Variants in CROCC observed in about 807,000 individuals in gnomAD.
CROCC encodes rootletin.
A neutral mutation model predicts 245.2 loss-of-function variants in CROCC; 180 were observed. The ratio of observed to expected loss-of-function variants is 0.73; its 90% CI spans 0.65 to 0.83. The LOEUF is 0.83. Ranked by LOEUF, CROCC falls within the 40% of genes least tolerant of loss-of-function variation. The probability of loss-of-function intolerance (pLI) is 0.00; values close to 1 mark genes in which losing one functional copy is unlikely to be tolerated. For missense variants in CROCC, 2,688 were observed against 2,779.4 expected (o/e 0.97, Z 0.74); for synonymous variants, 1,205 against 1,241.6 (o/e 0.97, Z 0.62).
chr1:16,923,837 T>C (rs1451053266), intron 2 of CROCC, among the ~76,000 whole-genome samples: 3 of 152,244 alleles, frequency 2.0e-5, no homozygotes, highest in Non-Finnish European at 4.4e-5. Context: ...TACACCACCA[T>C]GCCCAGCTAA....
intron 25 of CROCC, 99 bp downstream of exon 25, chr1:16,956,255 C>A: frequency 7.7e-7 from 1 of 1,290,572 alleles, no homozygotes; most frequent in Non-Finnish European, 1.0e-6. Context: ...TATGTAAAAC[C>A]AGGGGCTTGA....
At chr1:16,939,808 A>G in intron 12 of CROCC, 86 bp from the exon 13 acceptor site, 2 of 1,468,022 alleles carry the variant, frequency 1.4e-6, no homozygotes, top group Non-Finnish European at 1.9e-6. Flanking sequence ...AGCGTAGGCT[A>G]GTGTGTATCC....
At chr1:16,926,055 C>T (rs1036772991) in intron 3 of CROCC, among the ~76,000 whole-genome samples, 9 of 152,274 alleles carry the variant, frequency 5.9e-5, no homozygotes, top group Non-Finnish European at 1.2e-4. Context: ...TCCTCCTCTG[C>T]TGGGACACAG....
chr1:16,921,299 C>T (rs967118819), upstream of CROCC, among the ~76,000 whole-genome samples: 1 of 152,284 alleles, frequency 6.6e-6, no homozygotes, highest in Non-Finnish European at 1.5e-5. Context: ...CCAGAAGCTT[C>T]CCAATAAGTG....
rs374342785 is a variant in CROCC, at chr1:16,938,990, G to A, written c.1456G>A (p.Gly486Arg). 9.0e-5 allele frequency: 144 copies of A among 1,604,178 alleles called. No homozygotes were observed. In the African/African-American group the frequency reaches 1.3e-3, roughly 15 times the overall value. Residue 486 changes from glycine (G) to arginine (R), a missense_variant, in exon 12 of 37, where the codon GGG (glycine) becomes AGG (arginine). Gly to Arg is a moderately radical substitution (Grantham distance 125). This residue lies in a region of CROCC where 972 missense variants were observed against 895.3 expected (regional missense o/e 1.09). Coordinates refer to ENST00000375541, the MANE Select transcript of CROCC (RefSeq NM_014675.5). ...GGATGCTTCCAACGGCAGCCTGCGG[G>A]GGCTCTCGGGCCAGCGGACCCCGTC... The part of the protein sequence containing the change: ...TADASNGSLR[G>R]LSGQRTPSPP...
At chr1:16,953,744 C>T (rs370186540) in intron 21 of CROCC, 60,854 of 423,438 alleles carry the variant, frequency 0.14, 4,505 homozygotes, top group South Asian at 0.22. Flanking sequence ...TTCTCCCATG[C>T]CTCGTCCCAC....
At chr1:16,956,235 T>C (rs1410801294) in intron 25 of CROCC, 79 bp downstream of exon 25, 2 of 1,387,508 alleles carry the variant, frequency 1.4e-6, no homozygotes, top group Non-Finnish European at 1.9e-6. Context: ...TGGAATTACG[T>C]TTCTACCCCT....
In CROCC at chr1:16,944,217, G is replaced by A. The variant is rs1219245263; in HGVS notation, c.1926G>A (p.Arg642=). ...AGGAGCTGCGGCGCCAGCGGGACCG[G>A]CTGGAGGAAGAGCAGGAGGACGCAG... The part of the protein sequence containing the change: ...AQEELRRQRD[R]LEEEQEDAVQ... The change falls in exon 14 of 37, where the codon CGG becomes CGA. Residue 642 remains arginine, a synonymous_variant. Coordinates refer to ENST00000375541, the MANE Select transcript of CROCC (RefSeq NM_014675.5). The A allele has an allele frequency of 6.4e-7, 1 of 1,555,030 alleles. No individual in the cohort carries two copies. The highest frequency in any genetic ancestry group is 2.4e-5 in the East Asian group (1 of 41,632).
intron 4 of CROCC, 28 bp from the exon 5 acceptor site, chr1:16,930,096 G>C: frequency 6.3e-7 from 1 of 1,579,158 alleles, no homozygotes. Context: ...CCAACCCCTG[G>C]GGCTCACCAT....
At chr1:16,937,812 G>A in intron 10 of CROCC, 75 bp downstream of exon 10, 4 of 1,343,188 alleles carry the variant, frequency 3.0e-6, no homozygotes, top group Non-Finnish European at 4.2e-6. Context: ...CAGGCTTAGG[G>A]CTGGGCTGCC....
chr1:16,970,859 C>A, intron 35 of CROCC, 92 bp downstream of exon 35: 1 of 1,388,362 alleles, frequency 7.2e-7, no homozygotes. Context: ...CAGCCCAGGG[C>A]CCATAACCCC....
intron 3 of CROCC, among the ~76,000 whole-genome samples, chr1:16,926,702 C>T (rs1162675946): frequency 2.0e-5 from 3 of 152,264 alleles, no homozygotes; most frequent in East Asian, 1.9e-4. Flanking sequence ...CAGATGTAGG[C>T]GCAGCTGGGA....
At position 16,936,629 on chromosome 1, in the gene CROCC, T is replaced by C. The variant is rs766819494; in HGVS notation, c.957-8T>C. On this transcript the variant is annotated splice_region_variant and splice_polypyrimidine_tract_variant and intron_variant, in intron 8 of 36. Transcript: ENST00000375541. ...CCATCCATCCCCAGCCTGTGCTCTC[T>C]CCCGAAGGGACCTGCTGCAGCTGGG... The C allele has an allele frequency of 3.2e-6, 5 of 1,582,360 alleles. No homozygotes were observed. In the East Asian group the frequency reaches 9.0e-5, roughly 29 times the overall value.
In CROCC at chr1:16,937,883, G is replaced by A. The variant is rs375161152; in HGVS notation, c.1290+146G>A. 36 of 720,940 alleles carry A rather than the reference G, an allele frequency of 5.0e-5. No individual in the cohort carries two copies. The South Asian group carries it at 5.9e-4, about 12-fold the overall frequency. The allele number at this position is 720,940 out of a possible 1,614,324, so 44.7% of individuals were successfully genotyped here. A position where few individuals can be genotyped will look rare whatever the true frequency, so the allele number is the denominator to read the frequency against. On this transcript the variant is annotated intron_variant, in intron 10 of 36. Coordinates refer to ENST00000375541, the MANE Select transcript of CROCC (RefSeq NM_014675.5). ...CAGCCCTCACAGGTGTGCAGGCTTT[G>A]TGGGAAGCACACTCACCTCCATCCC...
intron 17 of CROCC, 41 bp downstream of exon 17, chr1:16,947,032 G>A (rs1570660514): frequency 6.7e-7 from 1 of 1,499,016 alleles, no homozygotes; most frequent in African/African-American, 1.4e-5. Context: ...GAGAGCATGT[G>A]GGGCAGGCCG....
chr1:16,966,680 A>T lies in CROCC; in HGVS notation c.4860+109A>T. On this transcript the variant is annotated intron_variant, in intron 30 of 36. Transcript: ENST00000375541. This position sits in a 1 kb window ranked among gnomAD's most constrained non-coding sequence, Gnocchi z 4.8. ...GTCTGTCTGCCTGAGTCTCTCTGCAACCCACTGAGGTGACCAGCCTGTGAC... is the reference window on the plus strand; with the variant it reads ...GTCTGTCTGCCTGAGTCTCTCTGCATCCCACTGAGGTGACCAGCCTGTGAC... 7.7e-7 allele frequency: 1 copy of T among 1,300,124 alleles called. No individual in the cohort carries two copies. The highest frequency in any genetic ancestry group is 1.0e-6 in the Non-Finnish European group (1 of 985,434). 80.5% of individuals were successfully genotyped at this position (1,300,124 alleles called of 1,614,324 possible). A position where few individuals can be genotyped will look rare whatever the true frequency, so the allele number is the denominator to read the frequency against.
chr1:16,914,196 G>A (rs1462705310), intron 1 of CROCC, among the ~76,000 whole-genome samples: 2 of 151,782 alleles, frequency 1.3e-5, no homozygotes, highest in Non-Finnish European at 2.9e-5. Context: ...CCCGGCGGAG[G>A]AGGCCGCGCG....
chr1:16,936,559 A>G, intron 8 of CROCC, 78 bp from the exon 9 acceptor site: 1 of 1,400,148 alleles, frequency 7.1e-7, no homozygotes, highest in Non-Finnish European at 9.6e-7. Context: ...GTGAGCCACC[A>G]CGCCCTGCCC....
chr1:16,924,306 GC>G lies in CROCC; in HGVS notation c.197-16del. Reference sequence around the variant, plus strand: ...CACTGGACCCAGAAGCCAACCATGTGCCCACTGTCCCTTGCCAGTCCTGCTG... The same window carrying G: ...CACTGGACCCAGAAGCCAACCATGTGCCACTGTCCCTTGCCAGTCCTGCTG... On this transcript the variant is annotated intron_variant, in intron 2 of 36. Transcript: ENST00000375541. The G allele has an allele frequency of 6.2e-7, 1 of 1,607,564 alleles. No homozygotes were observed. The highest frequency in any genetic ancestry group is 8.5e-7 in the Non-Finnish European group (1 of 1,177,182).
Sources: allele counts gnomAD v4.1 joint callset (sites outside exome capture counted in the v4.1 genomes callset), GRCh38; gene constraint gnomAD v4.1.1; regional missense constraint gnomAD v4.1.1; non-coding constraint Gnocchi (gnomAD v3.1); transcripts MANE v1.5; gene names NCBI Gene and HGNC (gene_info 2026-07-23, HGNC 2026-07-21).